AATF: variants seen among roughly 807,000 people sequenced by gnomAD.
The protein encoded by AATF is protein AATF.
A neutral mutation model predicts 63.7 loss-of-function variants in AATF; 48 were observed. The ratio of observed to expected loss-of-function variants is 0.75; its 90% CI spans 0.60 to 0.96. The LOEUF is 0.96. Among genes scored for constraint, AATF ranks in the 40% least tolerant of loss-of-function variants. The pLI is 0.00. For missense variants in AATF, 639 were observed against 685.7 expected, an observed-to-expected ratio of 0.93 and a Z score of 0.76; for synonymous variants, 258 against 247.7, an observed-to-expected ratio of 1.04 and a Z score of -0.39.
At chr17:37,009,847 A>AAAAAAG (rs2071374915) in intron 8 of AATF, among the ~76,000 whole-genome samples, 1 of 151,086 alleles carries the variant, frequency 6.6e-6, no homozygotes, top group South Asian at 2.1e-4. Context: ...AAAAAAAAAA[A>AAAAAAG]AAACCATGCA....
rs537587629 is a variant in AATF at position 37,012,511 on chromosome 17, A to G, written c.1399-6494A>G. On this transcript the variant is annotated intron_variant, in intron 8 of 11. Coordinates refer to ENST00000619387, the MANE Select transcript of AATF (RefSeq NM_012138.4). ...CCCAATCCTTTGAGTCTGCTTTTGT[A>G]TCTCCCAGTGAGGAAGTTTGAGGAA... Among the ~76,000 whole-genome samples, 3 of 152,328 alleles carry G rather than the reference A, an allele frequency of 2.0e-5. No homozygotes were observed. In the South Asian group the frequency reaches 6.2e-4, roughly 32 times the overall value.
At chr17:37,034,303 G>A (rs1348710523) in intron 11 of AATF, among the ~76,000 whole-genome samples, 1 of 152,100 alleles carries the variant, frequency 6.6e-6, no homozygotes, top group Non-Finnish European at 1.5e-5. Flanking sequence ...AATTTTTAGG[G>A]CCAGTAGGTA....
At position 36,949,024 on chromosome 17, in the gene AATF, T is replaced by TCGGATCAAGGCGAGAGGATC; in HGVS notation, c.-98_-79dup. On this transcript the variant is annotated 5_prime_UTR_variant, in exon 1 of 12. Coordinates refer to ENST00000619387, the MANE Select transcript of AATF (RefSeq NM_012138.4). ...CGCGGTCTCTGGCGGAGTCGGGGAA[T>TCGGATCAAGGCGAGAGGATC]CGGATCAAGGCGAGAGGATCCGGCA... 1.8e-6 allele frequency: 2 copies of TCGGATCAAGGCGAGAGGATC among 1,120,474 alleles called. No homozygotes were observed. The highest frequency in any genetic ancestry group is 5.4e-5 in the East Asian group (2 of 37,322). 69.4% of individuals were successfully genotyped at this position (1,120,474 alleles called of 1,614,324 possible).
intron 11 of AATF, among the ~76,000 whole-genome samples, chr17:37,039,005 G>A (rs900925706): frequency 6.6e-6 from 1 of 152,180 alleles, no homozygotes. Context: ...CCATTTTTGT[G>A]TATGGGTCTG....
intron 4 of AATF, among the ~76,000 whole-genome samples, chr17:36,974,792 A>C (rs991145583): frequency 2.0e-5 from 3 of 152,108 alleles, no homozygotes; most frequent in African/African-American, 7.2e-5. Flanking sequence ...TCTTTTGTGA[A>C]TCAAACAGGG....
intron 8 of AATF, among the ~76,000 whole-genome samples, chr17:37,003,692 C>G (rs1021240881): frequency 1.3e-4 from 19 of 150,920 alleles, no homozygotes; most frequent in Non-Finnish European, 2.4e-4. Flanking sequence ...GTCTCACACT[C>G]CTGATCTCAA....
At chr17:37,045,242 C>G (rs2071679366) in intron 11 of AATF, among the ~76,000 whole-genome samples, 1 of 152,208 alleles carries the variant, frequency 6.6e-6, no homozygotes, top group Non-Finnish European at 1.5e-5. Flanking sequence ...GGGAGCAGAA[C>G]ACTTTATAAA....
At chr17:37,004,876 A>G (rs1597721995) in intron 8 of AATF, among the ~76,000 whole-genome samples, 1 of 152,220 alleles carries the variant, frequency 6.6e-6, no homozygotes, top group East Asian at 1.9e-4. Context: ...TTCTCTCACT[A>G]CATTCATCCA....
chr17:36,998,854 G>A (rs2071273809), intron 8 of AATF: 1 of 152,202 alleles, frequency 6.6e-6, no homozygotes, highest in Non-Finnish European at 1.5e-5. Flanking sequence ...AATTAAGAGT[G>A]TGACTTTAAT....
chr17:37,006,793 T>C (rs2071344884), intron 8 of AATF, among the ~76,000 whole-genome samples: 1 of 152,258 alleles, frequency 6.6e-6, no homozygotes, highest in South Asian at 2.1e-4. Context: ...GGGCTTGTGC[T>C]GAGAAAATAG....
At chr17:36,992,470 C>T (rs977740175) in intron 8 of AATF, among the ~76,000 whole-genome samples, 6 of 152,012 alleles carry the variant, frequency 3.9e-5, no homozygotes, top group Non-Finnish European at 8.8e-5. Flanking sequence ...TGTGAGATCA[C>T]GGGAGACAAT....
Position 36,986,620 on chromosome 17 carries a change from A to T in AATF, c.836A>T (p.His279Leu). The T allele has an allele frequency of 6.2e-7, 1 of 1,613,634 alleles. No homozygotes were observed. The highest frequency in any genetic ancestry group is 8.5e-7 in the Non-Finnish European group (1 of 1,179,526). ...TTCTCTGTCCTTTATTTCCCAGGTC[A>T]CAAGGCACTTAAAGCATTGTTGAGG... is the stretch of plus-strand genomic sequence containing the variant. Reference protein sequence around the residue: ...PEFSSALKNSHKALKALLRSL... With the variant: ...PEFSSALKNSLKALKALLRSL... The change falls in exon 5 of 12, where the codon CAC becomes CTC. Residue 279 changes from histidine to leucine, a missense_variant. Coordinates refer to ENST00000619387, the MANE Select transcript of AATF (RefSeq NM_012138.4).
At chr17:36,986,125 G>C (rs1007488611) in intron 4 of AATF, among the ~76,000 whole-genome samples, 1 of 152,208 alleles carries the variant, frequency 6.6e-6, no homozygotes, top group Admixed American at 6.5e-5. Flanking sequence ...TCTCCTGGGG[G>C]CAAGGTGGAA....
At chr17:36,997,453 T>C (rs2071262725) in intron 8 of AATF, among the ~76,000 whole-genome samples, 1 of 152,092 alleles carries the variant, frequency 6.6e-6, no homozygotes, top group Admixed American at 6.6e-5. Flanking sequence ...GATATACAAA[T>C]GGCCAACAAA....
Position 36,952,867 on chromosome 17 carries a change from T to G in AATF, c.284-19T>G, listed in dbSNP as rs201331145. ...CAGGTAATACCCATTTTTCTCTTTC[T>G]TCCCTCTCTTCTTTGTAGATGAGGA... On this transcript the variant is annotated intron_variant, in intron 2 of 11. Coordinates refer to ENST00000619387, the MANE Select transcript of AATF (RefSeq NM_012138.4). 2.7e-5 allele frequency: 43 copies of G among 1,602,800 alleles called. No individual in the cohort carries two copies. In the East Asian group the frequency reaches 8.1e-4, roughly 30 times the overall value.
Position 37,056,799 on chromosome 17 carries a change from T to A in AATF, c.*135T>A. 3 of 939,020 alleles carry A rather than the reference T, an allele frequency of 3.2e-6. No homozygotes were observed. The highest frequency in any genetic ancestry group is 1.6e-5 in the South Asian group (1 of 63,274). The allele number at this position is 939,020 out of a possible 1,614,324, so 58.2% of individuals were successfully genotyped here. A position where few individuals can be genotyped will look rare whatever the true frequency, so the allele number is the denominator to read the frequency against. On this transcript the variant is annotated 3_prime_UTR_variant, in exon 12 of 12. Transcript: ENST00000619387. ...AGATGCTGCGTTCCGAACCTGTGCCTAATACACGCAAGGGCGCTGTCCCGC... is the reference window on the plus strand; with the variant it reads ...AGATGCTGCGTTCCGAACCTGTGCCAAATACACGCAAGGGCGCTGTCCCGC...
At chr17:37,009,936 T>C (rs1196722420) in intron 8 of AATF, among the ~76,000 whole-genome samples, 5 of 151,504 alleles carry the variant, frequency 3.3e-5, no homozygotes, top group African/African-American at 1.2e-4. Flanking sequence ...AGGAGAATAT[T>C]GTGTGGGGAA....
At chr17:36,949,279 G>A in intron 1 of AATF, 63 bp downstream of exon 1, 1 of 1,484,018 alleles carries the variant, frequency 6.7e-7, no homozygotes, top group South Asian at 1.3e-5. Context: ...GGGCAAGGGG[G>A]CGGCGTGGGA....
At chr17:36,961,032 C>G (rs1474053052) in intron 4 of AATF, among the ~76,000 whole-genome samples, 1 of 152,108 alleles carries the variant, frequency 6.6e-6, no homozygotes, top group Admixed American at 6.5e-5. Context: ...GACCTTTTCG[C>G]GTGCACACAC....
Sources: allele counts gnomAD v4.1 joint callset (sites outside exome capture counted in the v4.1 genomes callset), GRCh38; gene constraint gnomAD v4.1.1; transcripts MANE v1.5; gene names NCBI Gene and HGNC (gene_info 2026-07-23, HGNC 2026-07-21).